Variants in SRBD1 observed in about 807,000 individuals in gnomAD.
The protein encoded by SRBD1 is S1 RNA binding domain 1.
Under a neutral mutation model 115.3 loss-of-function variants are expected in SRBD1, and 88 were observed. The observed-to-expected ratio is 0.76, with a 90% CI of 0.64 to 0.91. SRBD1 has a LOEUF of 0.91. Ranked by LOEUF, SRBD1 falls within the 40% of genes least tolerant of loss-of-function variation. The probability of loss-of-function intolerance (pLI) is 0.00; values close to 1 mark genes in which losing one functional copy is unlikely to be tolerated. For missense variants in SRBD1, 1,385 were observed against 1,177.4 expected (o/e 1.18, Z -2.58); for synonymous variants, 509 against 407.7 (o/e 1.25, Z -2.99).
chr2:45,484,345 A>G lies in SRBD1; in HGVS notation c.1966+3895T>C, dbSNP rs988077962. Among the ~76,000 whole-genome samples the G allele has an allele frequency of 3.9e-5, 6 of 152,144 alleles. No homozygotes were observed. The East Asian group carries it at 1.2e-3, about 29-fold the overall frequency. ...CTTCAATGTTGTCTCTTGTATTGGC[A>G]GAATCCTCTTATCTGCACAGGTTTA... is the stretch of plus-strand genomic sequence containing the variant. On this transcript the variant is annotated intron_variant, in intron 15 of 20. Coordinates refer to ENST00000263736, the MANE Select transcript of SRBD1 (RefSeq NM_018079.5).
intron 14 of SRBD1, among the ~76,000 whole-genome samples, chr2:45,530,616 A>C (rs1224819426): frequency 6.6e-6 from 1 of 152,066 alleles, no homozygotes; most frequent in Non-Finnish European, 1.5e-5. Flanking sequence ...TATATGAAAG[A>C]AGATGCTATT....
At chr2:45,533,944 A>C (rs1482311517) in intron 14 of SRBD1, among the ~76,000 whole-genome samples, 1 of 152,062 alleles carries the variant, frequency 6.6e-6, no homozygotes, top group Non-Finnish European at 1.5e-5. Flanking sequence ...TCTTAAAACA[A>C]GAAATGACCA....
intron 18 of SRBD1, 92 bp downstream of exon 18, chr2:45,418,273 C>G (rs1013836259): frequency 1.4e-6 from 2 of 1,455,208 alleles, no homozygotes; most frequent in South Asian, 2.7e-5. Context: ...ACAATGGACA[C>G]TTAGAAAATT....
rs144371376 is a variant in SRBD1, at chr2:45,575,454, T to G, written c.1073-731A>C. ...CTTTGTTTCATTTCTTTTGTCTTTATCATTCTATTTGCATGAAACGTTTTT... is the reference window on the plus strand; with the variant it reads ...CTTTGTTTCATTTCTTTTGTCTTTAGCATTCTATTTGCATGAAACGTTTTT... On this transcript the variant is annotated intron_variant, in intron 7 of 20. Transcript: ENST00000263736. 9.4e-3 allele frequency among the ~76,000 whole-genome samples: 1,433 copies of G among 152,352 alleles called. 22 individuals carry two copies. The highest frequency in any genetic ancestry group is 0.032 in the African/African-American group (1,349 of 41,582).
intron 14 of SRBD1, among the ~76,000 whole-genome samples, chr2:45,519,831 C>T (rs559552008): frequency 6.6e-6 from 1 of 152,258 alleles, no homozygotes; most frequent in East Asian, 1.9e-4. Context: ...CATATGTTAA[C>T]TCATTTAATC....
chr2:45,519,153 T>C (rs1394582331), intron 14 of SRBD1, among the ~76,000 whole-genome samples: 3 of 152,094 alleles, frequency 2.0e-5, no homozygotes, highest in African/African-American at 7.2e-5. Flanking sequence ...TTAAACAAGA[T>C]AGCTCCTGAA....
intron 9 of SRBD1, among the ~76,000 whole-genome samples, chr2:45,567,050 T>C (rs1672851555): frequency 6.6e-6 from 1 of 152,148 alleles, no homozygotes; most frequent in South Asian, 2.1e-4. Context: ...TGAAACAAGC[T>C]TAGAATAATT....
chr2:45,392,496 ATAT>A (rs1239517859), intron 20 of SRBD1, among the ~76,000 whole-genome samples: 2 of 152,236 alleles, frequency 1.3e-5, no homozygotes, highest in Non-Finnish European at 2.9e-5. Flanking sequence ...ATCAACAGAG[ATAT>A]TATCTTATTT....
intron 1 of SRBD1, among the ~76,000 whole-genome samples, chr2:45,610,797 G>A (rs559409471): frequency 3.9e-5 from 6 of 152,220 alleles, no homozygotes; most frequent in South Asian, 2.1e-4. Context: ...GTGTGATGAC[G>A]GGCGCCTGTA....
chr2:45,448,500 T>C (rs2193835), intron 16 of SRBD1, among the ~76,000 whole-genome samples: 1 of 152,068 alleles, frequency 6.6e-6, no homozygotes, highest in Non-Finnish European at 1.5e-5. Flanking sequence ...AATGCAACAT[T>C]TGCATCTCAG....
Position 45,425,186 on chromosome 2 carries a change from T to C in SRBD1, c.2050-5292A>G, listed in dbSNP as rs184963803. On this transcript the variant is annotated intron_variant, in intron 16 of 20. Transcript: ENST00000263736. Reference sequence around the variant, plus strand: ...TTCCAATTGAAGCAGTCACCTTATTTAGGGGCTCAAAGTCAAGCGGCAAGA... The same window carrying C: ...TTCCAATTGAAGCAGTCACCTTATTCAGGGGCTCAAAGTCAAGCGGCAAGA... Among the ~76,000 whole-genome samples the C allele has an allele frequency of 7.8e-4, 119 of 152,300 alleles. 1 individual carries two copies. In the South Asian group the frequency reaches 0.024, roughly 31 times the overall value.
At chr2:45,555,178 G>A (rs1672434087) in intron 10 of SRBD1, among the ~76,000 whole-genome samples, 1 of 152,148 alleles carries the variant, frequency 6.6e-6, no homozygotes, top group Non-Finnish European at 1.5e-5. Flanking sequence ...GGATCACTTG[G>A]AGTTCAAGAC....
At chr2:45,534,583 G>A (rs1162347709) in intron 14 of SRBD1, among the ~76,000 whole-genome samples, 4 of 151,872 alleles carry the variant, frequency 2.6e-5, no homozygotes, top group Non-Finnish European at 5.9e-5. Context: ...GCTATCCCAA[G>A]TTCCAAGGAT....
chr2:45,599,563 C>A lies in SRBD1; in HGVS notation c.534G>T (p.Gln178His). 1 of 1,614,230 alleles carries A rather than the reference C, an allele frequency of 6.2e-7. No homozygotes were observed. The highest frequency in any genetic ancestry group is 8.5e-7 in the Non-Finnish European group (1 of 1,180,044). ...CAGTCTTGATTTTCTTTAAAGCGGA[C>A]TGACCAAATGTAAAGTCATCGTCAT... ...EENDDDFTFG[Q>H]SALKKIKTET... The change falls in exon 4 of 21, where the codon CAG becomes CAT. Residue 178 changes from glutamine (Q) to histidine (H), a missense_variant. Physicochemically the swap from Gln to His is conservative, Grantham distance 24. Coordinates refer to ENST00000263736, the MANE Select transcript of SRBD1 (RefSeq NM_018079.5).
chr2:45,471,608 T>C (rs1463564487), intron 16 of SRBD1, among the ~76,000 whole-genome samples: 1 of 152,162 alleles, frequency 6.6e-6, no homozygotes, highest in Non-Finnish European at 1.5e-5. Context: ...AATAGTAATT[T>C]AGACTTCTAC....
intron 18 of SRBD1, among the ~76,000 whole-genome samples, chr2:45,416,775 T>A (rs1667844673): frequency 6.6e-6 from 1 of 152,168 alleles, no homozygotes; most frequent in Non-Finnish European, 1.5e-5. Context: ...TTGGTGTTTT[T>A]TTGGTTTGCT....
intron 19 of SRBD1, among the ~76,000 whole-genome samples, chr2:45,394,511 T>C (rs952032971): frequency 2.6e-5 from 4 of 152,180 alleles, no homozygotes; most frequent in Non-Finnish European, 5.9e-5. Flanking sequence ...AAAAAGGGAA[T>C]TGTTGGAGGT....
intron 5 of SRBD1, among the ~76,000 whole-genome samples, chr2:45,583,378 C>T (rs572934473): frequency 6.6e-6 from 1 of 152,238 alleles, no homozygotes; most frequent in Admixed American, 6.5e-5. Context: ...TAACAAAAAG[C>T]CAATTCCTTT....
chr2:45,596,329 C>T (rs1346769007), intron 4 of SRBD1, among the ~76,000 whole-genome samples: 1 of 152,150 alleles, frequency 6.6e-6, no homozygotes, highest in Non-Finnish European at 1.5e-5. Flanking sequence ...CTTTGTTTAG[C>T]TGCTATTTTA....
Sources: allele counts gnomAD v4.1 joint callset (sites outside exome capture counted in the v4.1 genomes callset), GRCh38; gene constraint gnomAD v4.1.1; transcripts MANE v1.5; gene names NCBI Gene and HGNC (gene_info 2026-07-23, HGNC 2026-07-21).